Variants in GRIK3 observed in about 807,000 individuals in gnomAD.
GRIK3 encodes the protein glutamate receptor ionotropic, kainate 3.
Under a neutral mutation model 102.5 loss-of-function variants are expected in GRIK3, and 29 were observed. The ratio of observed to expected loss-of-function variants is 0.28; its 90% CI spans 0.21 to 0.39. The LOEUF is 0.39. Ranked by LOEUF, GRIK3 falls within the 10% of genes least tolerant of loss-of-function variation. The pLI, the probability that GRIK3 is intolerant of heterozygous loss-of-function variation, is 1.00. For missense variants in GRIK3, 908 were observed against 1,252.4 expected (o/e 0.73, Z 4.15); for synonymous variants, 511 against 504.9 (o/e 1.01, Z -0.16).
At position 36,805,054 on chromosome 1, in the gene GRIK3, AC is replaced by A; in HGVS notation, c.2497del (p.Val833SerfsTer52). 6.2e-7 allele frequency: 1 copy of A among 1,614,096 alleles called. No homozygotes were observed. Among genetic ancestry groups the A allele is most frequent in the Non-Finnish European group, 8.5e-7 (1 of 1,179,990 alleles). On this transcript the variant is annotated frameshift_variant, in exon 15 of 16. Coordinates refer to ENST00000373091, the MANE Select transcript of GRIK3 (RefSeq NM_000831.4). LOFTEE classifies it high-confidence loss of function. ...GIFIVLAAGL[V>X]LSVLVAVGEF... ...GCCCACGGCCACCAGCACAGAGAGGACCAGCCCGGCGGCCAGGACAATGAAG... is the reference window on the plus strand; with the variant it reads ...GCCCACGGCCACCAGCACAGAGAGGACAGCCCGGCGGCCAGGACAATGAAG...
intron 1 of GRIK3, among the ~76,000 whole-genome samples, chr1:36,998,015 T>C (rs1318599912): frequency 6.6e-6 from 1 of 152,154 alleles, no homozygotes; most frequent in East Asian, 1.9e-4. Context: ...CTTCAGAGCA[T>C]AGAACAATGC....
chr1:36,857,350 G>A (rs1048906251), intron 7 of GRIK3, among the ~76,000 whole-genome samples: 1 of 152,192 alleles, frequency 6.6e-6, no homozygotes, highest in African/African-American at 2.4e-5. Context: ...GCAAGCGGAT[G>A]ATTGCCCAGC....
At chr1:36,959,581 GC>G (rs1641974543) in intron 1 of GRIK3, among the ~76,000 whole-genome samples, 1 of 120,296 alleles carries the variant, frequency 8.3e-6, no homozygotes, top group Non-Finnish European at 1.8e-5. Flanking sequence ...GAGCCTGTGT[GC>G]CCCATGACTC....
At chr1:36,979,078 A>T (rs1642222640) in intron 1 of GRIK3, among the ~76,000 whole-genome samples, 1 of 152,258 alleles carries the variant, frequency 6.6e-6, no homozygotes, top group Non-Finnish European at 1.5e-5. Flanking sequence ...GGAGCAGTAC[A>T]GCTTGCTAAG....
chr1:36,925,658 C>T (rs1244919569), intron 1 of GRIK3, among the ~76,000 whole-genome samples: 4 of 152,250 alleles, frequency 2.6e-5, no homozygotes, highest in East Asian at 3.8e-4. Flanking sequence ...TGGCCACTGC[C>T]ACAGGCCGAG....
In GRIK3 at chr1:36,817,045, G is replaced by A. The variant is rs771039218; in HGVS notation, c.2091+15C>T. On this transcript the variant is annotated intron_variant, in intron 13 of 15. Coordinates refer to ENST00000373091, the MANE Select transcript of GRIK3 (RefSeq NM_000831.4). ...ATCAGCTCACGGTGCTGCAATAGGA[G>A]GGAGAGGGCCTCACCTTGAAGAAGG... is the stretch of plus-strand genomic sequence containing the variant. The A allele has an allele frequency of 6.4e-7, 1 of 1,574,284 alleles. No individual in the cohort carries two copies. The highest frequency in any genetic ancestry group is 1.1e-5 in the South Asian group (1 of 90,230).
chr1:36,801,911 G>A lies in GRIK3; in HGVS notation c.2700C>T (p.Arg900=). The A allele has an allele frequency of 6.2e-7, 1 of 1,613,996 alleles. No individual in the cohort carries two copies. Among genetic ancestry groups the A allele is most frequent in the Non-Finnish European group, 8.5e-7 (1 of 1,179,946 alleles). The change falls in exon 16 of 16, where the codon CGC becomes CGT. Residue 900 remains arginine (R), a synonymous_variant. Transcript: ENST00000373091. Reference sequence around the variant, plus strand: ...CCATGCTGTCCTTGCCGGGAAGCCGGCGGTCATTGAATGTGTGCATGTTGA... The same window carrying A: ...CCATGCTGTCCTTGCCGGGAAGCCGACGGTCATTGAATGTGTGCATGTTGA... ...AVINMHTFND[R]RLPGKDSMAC...
chr1:36,928,019 G>A (rs899678067), intron 1 of GRIK3, among the ~76,000 whole-genome samples: 7 of 152,208 alleles, frequency 4.6e-5, no homozygotes, highest in Admixed American at 2.0e-4. Context: ...CTGCCGTCAC[G>A]TGACCACTTG....
chr1:36,946,874 C>T (rs1239233809), intron 1 of GRIK3, among the ~76,000 whole-genome samples: 2 of 152,162 alleles, frequency 1.3e-5, no homozygotes, highest in African/African-American at 4.8e-5. Flanking sequence ...GTCAGGTACC[C>T]CAGGAAGACC....
intron 5 of GRIK3, among the ~76,000 whole-genome samples, chr1:36,867,528 A>G (rs1423661301): frequency 6.6e-6 from 1 of 152,108 alleles, no homozygotes; most frequent in South Asian, 2.1e-4. Flanking sequence ...GACGACGACT[A>G]CTTCTTGGCC....
chr1:36,803,004 G>A (rs969846620), intron 15 of GRIK3, among the ~76,000 whole-genome samples: 4 of 152,016 alleles, frequency 2.6e-5, no homozygotes, highest in African/African-American at 9.7e-5. Context: ...TGAAGAAGAC[G>A]GATAAGGCCA....
At chr1:36,860,047 G>C (rs756296276) in intron 5 of GRIK3, 30 bp from the exon 6 acceptor site, 3 of 1,525,146 alleles carry the variant, frequency 2.0e-6, no homozygotes, top group African/African-American at 2.8e-5. Flanking sequence ...TGTAAACCAA[G>C]GCATGCTCAC....
intron 13 of GRIK3, among the ~76,000 whole-genome samples, chr1:36,814,707 T>C (rs984469207): frequency 4.0e-5 from 6 of 151,634 alleles, no homozygotes; most frequent in Non-Finnish European, 8.8e-5. Flanking sequence ...AAGGCGAGTA[T>C]ACACACACAT....
chr1:37,025,425 C>G (rs1454904713), intron 1 of GRIK3, among the ~76,000 whole-genome samples: 4 of 152,188 alleles, frequency 2.6e-5, no homozygotes, highest in Non-Finnish European at 5.9e-5. Flanking sequence ...TTAATGAGTG[C>G]TTTGGGTGAT....
At chr1:36,973,568 C>T (rs1038422545) in intron 1 of GRIK3, among the ~76,000 whole-genome samples, 15 of 150,624 alleles carry the variant, frequency 1.0e-4, no homozygotes, top group East Asian at 7.8e-4. Context: ...TACAGGCATG[C>T]GCCACCACGC....
intron 1 of GRIK3, among the ~76,000 whole-genome samples, chr1:36,995,880 C>A (rs559719369): frequency 6.6e-6 from 1 of 152,348 alleles, no homozygotes; most frequent in Admixed American, 6.5e-5. Context: ...TCTCATCATG[C>A]CCCTTCACCA....
At chr1:36,951,532 C>T (rs1641843391) in intron 1 of GRIK3, among the ~76,000 whole-genome samples, 1 of 152,238 alleles carries the variant, frequency 6.6e-6, no homozygotes, top group Non-Finnish European at 1.5e-5. Context: ...GGCTTCTGTC[C>T]TACTTATGTC....
intron 1 of GRIK3, among the ~76,000 whole-genome samples, chr1:36,952,330 G>T (rs1641853388): frequency 6.6e-6 from 1 of 152,196 alleles, no homozygotes; most frequent in Non-Finnish European, 1.5e-5. Flanking sequence ...CCAGGCAGCA[G>T]CTGTGATGAT....
In GRIK3 at chr1:36,819,551, G is replaced by A. The variant is rs1428399608; in HGVS notation, c.1873+185C>T. On this transcript the variant is annotated intron_variant, in intron 12 of 15. Transcript: ENST00000373091. This position sits in a 1 kb window ranked among gnomAD's most constrained non-coding sequence, Gnocchi z 4.1. Reference sequence around the variant, plus strand: ...AGCCAGCTCCAGCCAGAGTGAAGGTGGAAGTTAGGGGTCTGGGGCAAGGGC... The same window carrying A: ...AGCCAGCTCCAGCCAGAGTGAAGGTAGAAGTTAGGGGTCTGGGGCAAGGGC... 2.6e-5 allele frequency among the ~76,000 whole-genome samples: 4 copies of A among 152,246 alleles called. No individual in the cohort carries two copies. Among genetic ancestry groups the A allele is most frequent in the African/African-American group, 9.6e-5 (4 of 41,472 alleles).
Sources: gnomAD v4.1 joint callset for allele counts (sites outside exome capture counted in the v4.1 genomes callset) on GRCh38, gnomAD v4.1.1 for gene constraint, Gnocchi (gnomAD v3.1) non-coding constraint, MANE v1.5 for transcripts, NCBI Gene and HGNC (gene_info 2026-07-23, HGNC 2026-07-21) for gene names.